Variants in FYB1 observed in about 807,000 individuals in gnomAD.
FYB1 encodes FYN-binding protein 1.
Under a neutral mutation model 94.1 loss-of-function variants are expected in FYB1, and 41 were observed. The ratio of observed to expected loss-of-function variants is 0.44; its 90% CI spans 0.34 to 0.57. The LOEUF is 0.57. Among genes scored for constraint, FYB1 ranks in the 20% least tolerant of loss-of-function variants. The probability of loss-of-function intolerance (pLI) is 0.02; values close to 1 mark genes in which losing one functional copy is unlikely to be tolerated. For synonymous variants in FYB1, 367 were observed against 353.2 expected, an observed-to-expected ratio of 1.04 and a Z score of -0.44; for missense variants, 1,050 against 976.8, an observed-to-expected ratio of 1.07 and a Z score of -1.00.
exon 1 of FYB1, chr5:39,274,443 C>T (rs980099044): frequency 6.6e-6 from 1 of 152,102 alleles, no homozygotes. Context: ...TCACTGATCT[C>T]CTGTTTTTTT....
intron 1 of FYB1, among the ~76,000 whole-genome samples, chr5:39,207,159 G>A (rs1300029581): frequency 6.6e-6 from 1 of 152,016 alleles, no homozygotes; most frequent in Non-Finnish European, 1.5e-5. Context: ...TTTGCAATTT[G>A]CAATTTGAAT....
Position 39,170,124 on chromosome 5 carries a change from A to G in FYB1, c.1136-16520T>C, listed in dbSNP as rs1014567340. On this transcript the variant is annotated intron_variant, in intron 2 of 18. Transcript: ENST00000512982. ...TGGCTTTTTGATTTCAAATGTTATC[A>G]GTTGCTGATGAAGTATAAGTAGCTA... The G allele has an allele frequency of 8.7e-6, 7 of 805,882 alleles. No individual in the cohort carries two copies. In the Admixed American group the frequency reaches 1.2e-4, roughly 14 times the overall value. 49.9% of individuals were successfully genotyped at this position (805,882 alleles called of 1,614,324 possible).
intron 1 of FYB1, among the ~76,000 whole-genome samples, chr5:39,258,324 G>A (rs932510526): frequency 6.6e-6 from 1 of 152,186 alleles, no homozygotes; most frequent in Non-Finnish European, 1.5e-5. Flanking sequence ...AGCTAGCCGG[G>A]CGTGGTGGCT....
At chr5:39,169,744 C>T in intron 2 of FYB1, 3 of 479,440 alleles carry the variant, frequency 6.3e-6, no homozygotes, top group South Asian at 5.0e-5. Context: ...TTGCCATCTT[C>T]ATTAGGTGTT....
At chr5:39,169,187 A>T (rs772517885) in intron 2 of FYB1, 1 of 813,716 alleles carries the variant, frequency 1.2e-6, no homozygotes, top group Admixed American at 1.7e-5. Flanking sequence ...ACAACTAATC[A>T]TTGCAACATC....
At chr5:39,186,583 TTA>T in intron 2 of FYB1, among the ~76,000 whole-genome samples, 1 of 151,160 alleles carries the variant, frequency 6.6e-6, no homozygotes, top group South Asian at 2.1e-4. Context: ...ATGAAAATCT[TTA>T]TGTTATGTTT....
At chr5:39,185,808 G>A (rs1746729875) in intron 2 of FYB1, among the ~76,000 whole-genome samples, 1 of 152,058 alleles carries the variant, frequency 6.6e-6, no homozygotes, top group Non-Finnish European at 1.5e-5. Context: ...GCCACTCCGT[G>A]AGGGTTCCGC....
At chr5:39,216,182 G>T (rs1334025441) in intron 1 of FYB1, among the ~76,000 whole-genome samples, 1 of 152,160 alleles carries the variant, frequency 6.6e-6, no homozygotes, top group Non-Finnish European at 1.5e-5. Context: ...AAGCTGCCTA[G>T]TTTGTGGTAC....
At chr5:39,200,006 A>G (rs1424965735) in intron 2 of FYB1, among the ~76,000 whole-genome samples, 1 of 152,184 alleles carries the variant, frequency 6.6e-6, no homozygotes, top group Non-Finnish European at 1.5e-5. Context: ...GAAGAGGTGA[A>G]TGAATAGAGA....
At chr5:39,129,046 G>C (rs765036740) in intron 10 of FYB1, among the ~76,000 whole-genome samples, 3 of 151,984 alleles carry the variant, frequency 2.0e-5, no homozygotes, top group African/African-American at 7.2e-5. Context: ...GAATAAAGCT[G>C]GAAGCATCAC....
chr5:39,239,834 A>G (rs978726097), intron 1 of FYB1, among the ~76,000 whole-genome samples: 1 of 152,232 alleles, frequency 6.6e-6, no homozygotes, highest in Non-Finnish European at 1.5e-5. Flanking sequence ...TGGAACCAAA[A>G]AAGAGCCCAA....
intron 1 of FYB1, among the ~76,000 whole-genome samples, chr5:39,203,516 C>T (rs1295273958): frequency 6.6e-6 from 1 of 152,048 alleles, no homozygotes; most frequent in Non-Finnish European, 1.5e-5. Context: ...CTTCTATCCA[C>T]ATTGAAGTTC....
intron 7 of FYB1, among the ~76,000 whole-genome samples, chr5:39,135,955 ATAT>A: frequency 6.6e-6 from 1 of 152,320 alleles, no homozygotes; most frequent in South Asian, 2.1e-4. Context: ...CTTACTAAAA[ATAT>A]TATTTGAATG....
chr5:39,168,660 C>A (rs1195775205), intron 2 of FYB1, among the ~76,000 whole-genome samples: 1 of 152,112 alleles, frequency 6.6e-6, no homozygotes, highest in African/African-American at 2.4e-5. Flanking sequence ...ATTCTTAAAT[C>A]TTGTCACTAT....
At chr5:39,256,037 G>A (rs994302155) in intron 1 of FYB1, among the ~76,000 whole-genome samples, 9 of 152,148 alleles carry the variant, frequency 5.9e-5, no homozygotes, top group African/African-American at 1.4e-4. Flanking sequence ...TAAGTGCTCC[G>A]TTAAATAGAA....
chr5:39,107,855 T>C lies in FYB1; in HGVS notation c.2467+376A>G, dbSNP rs555324263. Among the ~76,000 whole-genome samples, 3 of 152,116 alleles carry C rather than the reference T, an allele frequency of 2.0e-5. No individual in the cohort carries two copies. In the East Asian group the frequency reaches 5.8e-4, roughly 29 times the overall value. On this transcript the variant is annotated intron_variant, in intron 18 of 18. Coordinates refer to ENST00000512982, the MANE Select transcript of FYB1 (RefSeq NM_001465.6). ...GTTAGATTAATTTTTTAGATTACAGTTTGGAACTATATGATGCTTAGAGAA... is the reference window on the plus strand; with the variant it reads ...GTTAGATTAATTTTTTAGATTACAGCTTGGAACTATATGATGCTTAGAGAA...
intron 3 of FYB1, among the ~76,000 whole-genome samples, chr5:39,142,728 C>T (rs910944476): frequency 6.6e-6 from 1 of 152,306 alleles, no homozygotes; most frequent in Non-Finnish European, 1.5e-5. Context: ...TCTTCTCTCA[C>T]GCATTTCTTT....
At chr5:39,219,599 T>C (rs1480469439), upstream of FYB1, 6 of 985,266 alleles carry the variant, frequency 6.1e-6, no homozygotes, top group African/African-American at 1.0e-4. Context: ...TTTGTCCCGG[T>C]CAGTGGTTGA....
chr5:39,182,212 T>C (rs1331056246), intron 2 of FYB1, among the ~76,000 whole-genome samples: 1 of 152,094 alleles, frequency 6.6e-6, no homozygotes, highest in Non-Finnish European at 1.5e-5. Flanking sequence ...CATCTTCTTA[T>C]CATTCCTCAA....
Sources: gnomAD v4.1 joint callset for allele counts (sites outside exome capture counted in the v4.1 genomes callset) on GRCh38, gnomAD v4.1.1 for gene constraint, MANE v1.5 for transcripts, NCBI Gene and HGNC (gene_info 2026-07-23, HGNC 2026-07-21) for gene names.